Variants in DEPDC5 observed in about 807,000 individuals in gnomAD.
The protein encoded by DEPDC5 is DEP domain containing 5, GATOR1 subcomplex subunit.
Under a neutral mutation model 217.3 loss-of-function variants are expected in DEPDC5, and 73 were observed. The observed-to-expected ratio is 0.34, with a 90% confidence interval of 0.28 to 0.41. The LOEUF (loss-of-function observed/expected upper bound fraction) is 0.41. Among genes scored for constraint, DEPDC5 ranks in the 10% least tolerant of loss-of-function variants. DEPDC5 has a pLI of 1.00. For synonymous variants in DEPDC5, 733 were observed against 756.7 expected (o/e 0.97, Z 0.51); for missense variants, 1,675 against 2,070.1 (o/e 0.81, Z 3.70).
Position 31,822,720 on chromosome 22 carries a change from C to G in DEPDC5, c.2034C>G (p.Asp678Glu). Residue 678 changes from aspartate (D) to glutamate (E), a missense_variant, in exon 24 of 43, where the codon GAC (aspartate) becomes GAG (glutamate). Physicochemically the swap from Asp to Glu is conservative, Grantham distance 45. This residue lies in a region of DEPDC5 where 136 missense variants were observed against 132.2 expected (regional missense o/e 1.03). Coordinates refer to ENST00000651528, the MANE Select transcript of DEPDC5 (RefSeq NM_001242896.3). ...ACAGCAATTCCCGCCAGCCTGGTGA[C>G]GGCATGTCCTTCTTGAACTTCAGTG... ...GRHSNSRQPG[D>E]GMSFLNFSGT... 1 of 1,614,126 alleles carries G rather than the reference C, an allele frequency of 6.2e-7. No individual in the cohort carries two copies. Among genetic ancestry groups the G allele is most frequent in the South Asian group, 1.1e-5 (1 of 91,066 alleles).
At chr22:31,767,230 G>T (rs115932392) in intron 6 of DEPDC5, among the ~76,000 whole-genome samples, 5 of 151,068 alleles carry the variant, frequency 3.3e-5, no homozygotes, top group Non-Finnish European at 7.4e-5. Context: ...AACCTCTGTC[G>T]TCTGGGTTCA....
intron 7 of DEPDC5, among the ~76,000 whole-genome samples, chr22:31,774,851 T>C (rs982005354): frequency 3.3e-5 from 5 of 151,936 alleles, no homozygotes; most frequent in Admixed American, 3.3e-4. Context: ...CTCGATCTCT[T>C]GACCTCGTGA....
chr22:31,861,577 A>C, intron 33 of DEPDC5, 144 bp downstream of exon 33: 1 of 826,668 alleles, frequency 1.2e-6, no homozygotes, highest in Admixed American at 2.2e-5. Flanking sequence ...AGAATTGTAC[A>C]TTCTCTTCCA....
At position 31,876,259 on chromosome 22, in the gene DEPDC5, G is replaced by A. The variant is rs1340279120; in HGVS notation, c.3799G>A (p.Asp1267Asn). ...CAAGATAGTAACGGACAAAGAGCCC[G>A]ACCGAGGTTAGAGCCGAGGCGAATG... ...FYKIVTDKEPDRVAMQQPATT... is the reference protein window; with the variant it reads ...FYKIVTDKEPNRVAMQQPATT... The change falls in exon 37 of 43, where the codon GAC becomes AAC. Residue 1267 changes from aspartate to asparagine, a missense_variant. Asp to Asn is a conservative substitution (Grantham distance 23). Transcript: ENST00000651528. 2.5e-6 allele frequency: 4 copies of A among 1,613,346 alleles called. No individual in the cohort carries two copies. Among genetic ancestry groups the A allele is most frequent in the Non-Finnish European group, 2.5e-6 (3 of 1,179,922 alleles).
intron 14 of DEPDC5, among the ~76,000 whole-genome samples, chr22:31,802,124 A>ATTTT (rs761007210): frequency 1.1e-4 from 14 of 126,874 alleles, no homozygotes; most frequent in Non-Finnish European, 1.7e-4. Context: ...AACAGCATGA[A>ATTTT]TTTTTTTTTT....
chr22:31,870,804 G>A, intron 34 of DEPDC5, 60 bp downstream of exon 34: 1 of 1,427,470 alleles, frequency 7.0e-7, no homozygotes. Flanking sequence ...TGATCTCAAA[G>A]GCTGCAGAGG....
chr22:31,794,317 G>A (rs2148531259), intron 12 of DEPDC5, among the ~76,000 whole-genome samples: 1 of 152,112 alleles, frequency 6.6e-6, no homozygotes. Flanking sequence ...TGAATTCCAG[G>A]AACCATGAGA....
rs1602506828 is a variant in DEPDC5 at position 31,861,445 on chromosome 22, T to C, written c.3330+12T>C. On this transcript the variant is annotated intron_variant, in intron 33 of 42. Coordinates refer to ENST00000651528, the MANE Select transcript of DEPDC5 (RefSeq NM_001242896.3). ...CCTTCTACCCTCAGGTTAGTCCAAC[T>C]CCAGGGCTTCGCATGCCTGTCCCAC... The C allele has an allele frequency of 6.4e-7, 1 of 1,551,422 alleles. No individual in the cohort carries two copies. The highest frequency in any genetic ancestry group is 8.7e-7 in the Non-Finnish European group (1 of 1,146,900).
intron 7 of DEPDC5, among the ~76,000 whole-genome samples, chr22:31,772,435 C>T (rs1261280726): frequency 6.6e-6 from 1 of 152,156 alleles, no homozygotes; most frequent in Non-Finnish European, 1.5e-5. Context: ...TTAGCCATCA[C>T]TGTGATTAGT....
intron 4 of DEPDC5, among the ~76,000 whole-genome samples, chr22:31,763,563 G>A (rs1250302595): frequency 1.3e-5 from 2 of 150,690 alleles, no homozygotes; most frequent in Non-Finnish European, 3.0e-5. Context: ...TCCCACCTCC[G>A]CCTCCCGAGT....
intron 24 of DEPDC5, among the ~76,000 whole-genome samples, chr22:31,826,774 T>C (rs888955273): frequency 6.6e-6 from 1 of 152,220 alleles, no homozygotes; most frequent in African/African-American, 2.4e-5. Context: ...CTCCACTCAA[T>C]GTTTAACACA....
chr22:31,773,673 C>G (rs921566419), intron 7 of DEPDC5, among the ~76,000 whole-genome samples: 3 of 152,088 alleles, frequency 2.0e-5, no homozygotes, highest in African/African-American at 7.3e-5. Flanking sequence ...CTGTGGGCCT[C>G]CTGTGAGAAA....
At chr22:31,818,952 T>A (rs1479241753) in intron 21 of DEPDC5, 70 bp from the exon 22 acceptor site, 1 of 1,532,740 alleles carries the variant, frequency 6.5e-7, no homozygotes, top group Non-Finnish European at 9.0e-7. Context: ...GGTTTATCAT[T>A]CTACCTAGCT....
At chr22:31,813,017 G>A (rs537278733) in intron 20 of DEPDC5, among the ~76,000 whole-genome samples, 17 of 152,280 alleles carry the variant, frequency 1.1e-4, no homozygotes, top group African/African-American at 3.9e-4. Flanking sequence ...TAGGATTATA[G>A]GTGTGAGCCA....
intron 9 of DEPDC5, chr22:31,784,200 G>A (rs980759870): frequency 2.0e-5 from 8 of 407,136 alleles, no homozygotes; most frequent in Middle Eastern, 8.9e-4. Context: ...TGCATTGTAT[G>A]TTGAAGTCAT....
At chr22:31,828,366 G>A (rs975363969) in intron 24 of DEPDC5, among the ~76,000 whole-genome samples, 21 of 148,880 alleles carry the variant, frequency 1.4e-4, no homozygotes, top group Admixed American at 1.0e-3. Flanking sequence ...CAGGAGAATC[G>A]CTTTGAACCC....
rs763669717 is a variant in DEPDC5, at chr22:31,758,616, C to A, written c.129C>A (p.His43Gln). 2.5e-6 allele frequency: 4 copies of A among 1,614,062 alleles called. No individual in the cohort carries two copies. Among genetic ancestry groups the A allele is most frequent in the Non-Finnish European group, 3.4e-6 (4 of 1,179,988 alleles). The change falls in exon 3 of 43, where the codon CAC becomes CAA. Residue 43 changes from histidine (H) to glutamine (Q), a missense_variant. Physicochemically the swap from His to Gln is conservative, Grantham distance 24. This residue lies in a region of DEPDC5 where 628 missense variants were observed against 762.1 expected (regional missense o/e 0.82). Coordinates refer to ENST00000651528, the MANE Select transcript of DEPDC5 (RefSeq NM_001242896.3). Reference protein sequence around the residue: ...IKLGDIVEIAHPNDEYSPLLL... With the variant: ...IKLGDIVEIAQPNDEYSPLLL... Reference sequence around the variant, plus strand: ...TTGGAGACATTGTAGAGATTGCACACCCCAACGATGAATACAGGTGAGTGT... The same window carrying A: ...TTGGAGACATTGTAGAGATTGCACAACCCAACGATGAATACAGGTGAGTGT...
At chr22:31,796,124 G>A (rs761768306) in intron 12 of DEPDC5, among the ~76,000 whole-genome samples, 6 of 137,164 alleles carry the variant, frequency 4.4e-5, no homozygotes, top group African/African-American at 8.5e-5. Flanking sequence ...TTTTTGAGGC[G>A]AAGTCTCGCT....
chr22:31,787,639 T>C (rs898091378), intron 10 of DEPDC5, among the ~76,000 whole-genome samples: 1 of 151,854 alleles, frequency 6.6e-6, no homozygotes, highest in African/African-American at 2.4e-5. Flanking sequence ...ACCCTGTCTC[T>C]ACAAAAATAA....
Sources: gnomAD v4.1 joint callset for allele counts (sites outside exome capture counted in the v4.1 genomes callset) on GRCh38, gnomAD v4.1.1 for gene constraint, gnomAD v4.1.1 regional missense constraint, MANE v1.5 for transcripts, NCBI Gene and HGNC (gene_info 2026-07-23, HGNC 2026-07-21) for gene names.